The following FGD4 variants were observed in gnomAD, a reference collection of about 807,000 sequenced individuals.
FGD4 encodes the protein FYVE, RhoGEF and PH domain-containing protein 4.
Under a neutral mutation model 102.0 loss-of-function variants are expected in FGD4, and 42 were observed. The observed-to-expected ratio is 0.41, with a 90% confidence interval of 0.32 to 0.53. The LOEUF is 0.53. FGD4 is among the 20% of genes least tolerant of loss of function. The pLI is 0.21. For missense variants in FGD4, 902 were observed against 1,078.2 expected (o/e 0.84, Z 2.29); for synonymous variants, 380 against 375.7 (o/e 1.01, Z -0.13).
intron 1 of FGD4, among the ~76,000 whole-genome samples, chr12:32,543,100 ACTC>A (rs1285744820): frequency 1.3e-5 from 2 of 152,014 alleles, no homozygotes; most frequent in African/African-American, 4.8e-5. Context: ...GTTCCCATGA[ACTC>A]CTCATCAGAT....
At chr12:32,549,806 T>C (rs7298165) in intron 1 of FGD4, among the ~76,000 whole-genome samples, 45,655 of 152,084 alleles carry the variant, frequency 0.3, 7,500 homozygotes, top group African/African-American at 0.43. Flanking sequence ...ATTCTTCTTG[T>C]GTTCTTAAAG....
chr12:32,617,011 A>G (rs1382906522), intron 10 of FGD4, among the ~76,000 whole-genome samples: 2 of 152,072 alleles, frequency 1.3e-5, no homozygotes. Flanking sequence ...CAAGAAATCC[A>G]CCTCATGGCC....
chr12:32,529,861 A>T (rs1941631359), intron 1 of FGD4, among the ~76,000 whole-genome samples: 2 of 150,382 alleles, frequency 1.3e-5, no homozygotes, highest in African/African-American at 4.9e-5. Flanking sequence ...AAAAAATTTA[A>T]AAAAAAAAAA....
At chr12:32,550,741 A>T (rs2136190178) in intron 1 of FGD4, among the ~76,000 whole-genome samples, 1 of 151,938 alleles carries the variant, frequency 6.6e-6, no homozygotes, top group South Asian at 2.1e-4. Context: ...TCAGAAAATG[A>T]CTAATTATCA....
chr12:32,402,687 A>G lies in FGD4; in HGVS notation c.166+2728A>G, dbSNP rs533113242. ...GCACTACCTTTTCTAGGTGTGTTAC[A>G]TTGTCTCGATATTGTAAACCGGCTG... On this transcript the variant is annotated intron_variant, in intron 1 of 16. Transcript: ENST00000534526. Among the ~76,000 whole-genome samples the G allele has an allele frequency of 2.4e-4, 36 of 151,476 alleles. 1 individual carries two copies. The highest frequency in any genetic ancestry group is 8.5e-4 in the African/African-American group (35 of 41,176).
chr12:32,449,610 C>A (rs1396314686), intron 1 of FGD4, among the ~76,000 whole-genome samples: 1 of 152,194 alleles, frequency 6.6e-6, no homozygotes, highest in African/African-American at 2.4e-5. Flanking sequence ...CTGTTTGTCC[C>A]ATTATTGATG....
intron 1 of FGD4, among the ~76,000 whole-genome samples, chr12:32,538,559 A>G (rs955894722): frequency 2.6e-5 from 4 of 152,186 alleles, no homozygotes; most frequent in Non-Finnish European, 5.9e-5. Flanking sequence ...ATAAAGAAGT[A>G]TGAAGAAAGT....
At chr12:32,531,026 A>G (rs1941763957) in intron 1 of FGD4, among the ~76,000 whole-genome samples, 2 of 128,260 alleles carry the variant, frequency 1.6e-5, no homozygotes, top group Non-Finnish European at 3.1e-5. Flanking sequence ...ATCGCGGCTC[A>G]CTGCAACCTC....
chr12:32,503,289 G>A (rs192122486), intron 1 of FGD4, among the ~76,000 whole-genome samples: 1 of 152,190 alleles, frequency 6.6e-6, no homozygotes, highest in Non-Finnish European at 1.5e-5. Context: ...ACTTGATAGA[G>A]GAAAGGTTGC....
At chr12:32,561,264 T>A (rs1384570895) in intron 1 of FGD4, among the ~76,000 whole-genome samples, 1 of 151,852 alleles carries the variant, frequency 6.6e-6, no homozygotes, top group Non-Finnish European at 1.5e-5. Context: ...TTTTTGTATT[T>A]TTAGTAGAGA....
intron 1 of FGD4, among the ~76,000 whole-genome samples, chr12:32,410,928 TTTC>T (rs1941178898): frequency 7.0e-6 from 1 of 143,240 alleles, no homozygotes; most frequent in Non-Finnish European, 1.5e-5. Context: ...CTCTTTTTTT[TTTC>T]TTTTTTTTTT....
rs200149526 is a variant in FGD4, at chr12:32,607,961, A to G, written c.1409A>G (p.Gln470Arg). ...FKSVVEEIQKQKICGSLTLQH... is the reference protein window; with the variant it reads ...FKSVVEEIQKRKICGSLTLQH... ...AGAAAACCTTTCTCATTACAGAAAC[A>G]GAAAATCTGTGGGAGCTTAACTTTG... Residue 470 changes from glutamine to arginine, a missense_variant, in exon 8 of 17, where the codon CAG becomes CGG. By Grantham distance (43) the Gln-to-Arg change is conservative. Transcript: ENST00000534526. 6.2e-6 allele frequency: 10 copies of G among 1,614,134 alleles called. No individual in the cohort carries two copies. In the African/African-American group the frequency reaches 1.3e-4, roughly 22 times the overall value.
intron 11 of FGD4, among the ~76,000 whole-genome samples, chr12:32,623,382 C>T (rs917366123): frequency 6.6e-6 from 1 of 151,938 alleles, no homozygotes; most frequent in Admixed American, 6.6e-5. Context: ...TTTTGAGAAG[C>T]AAGATTGAAG....
intron 14 of FGD4, 150 bp downstream of exon 14, chr12:32,625,929 C>A: frequency 9.4e-7 from 1 of 1,061,046 alleles, no homozygotes; most frequent in Non-Finnish European, 1.4e-6. Context: ...TGTGCTGAGC[C>A]CTGGAGAAAA....
rs936433930 is a variant in FGD4 at position 32,434,382 on chromosome 12, C to T, written c.166+34423C>T. ...ATCCTGTGATTGGAGAACGAAGACTCAGGTGAGCAGTAATAGTTTTAAATA... is the reference window on the plus strand; with the variant it reads ...ATCCTGTGATTGGAGAACGAAGACTTAGGTGAGCAGTAATAGTTTTAAATA... On this transcript the variant is annotated intron_variant, in intron 1 of 16. Transcript: ENST00000534526. 8.5e-5 allele frequency among the ~76,000 whole-genome samples: 13 copies of T among 152,204 alleles called. 1 individual carries two copies. Among genetic ancestry groups the T allele is most frequent in the African/African-American group, 3.1e-4 (13 of 41,448 alleles).
chr12:32,514,472 GTCTC>G (rs1939692541), intron 1 of FGD4, among the ~76,000 whole-genome samples: 1 of 151,808 alleles, frequency 6.6e-6, no homozygotes, highest in African/African-American at 2.4e-5. Flanking sequence ...CTCTTGTCTT[GTCTC>G]TCTCCCCAAA....
At chr12:32,584,571 C>T (rs1308821114) in intron 4 of FGD4, among the ~76,000 whole-genome samples, 1 of 151,424 alleles carries the variant, frequency 6.6e-6, no homozygotes, top group East Asian at 1.9e-4. Context: ...ATCTTAAGGC[C>T]CTATCTTCAT....
chr12:32,462,350 A>C (rs1397316397), intron 1 of FGD4, among the ~76,000 whole-genome samples: 2 of 151,986 alleles, frequency 1.3e-5, no homozygotes, highest in African/African-American at 4.8e-5. Flanking sequence ...TAGTATAGAC[A>C]GGGTTTCATC....
At chr12:32,494,567 T>C (rs1337315928) in intron 1 of FGD4, among the ~76,000 whole-genome samples, 1 of 152,204 alleles carries the variant, frequency 6.6e-6, no homozygotes, top group East Asian at 1.9e-4. Flanking sequence ...GTGATACCTG[T>C]TTTTATGAAC....
Sources: allele counts gnomAD v4.1 joint callset (sites outside exome capture counted in the v4.1 genomes callset), GRCh38; gene constraint gnomAD v4.1.1; transcripts MANE v1.5; gene names NCBI Gene and HGNC (gene_info 2026-07-23, HGNC 2026-07-21).